Variants in FRMD3 observed in about 807,000 individuals in gnomAD.
FRMD3 encodes FERM domain-containing protein 3.
In FRMD3, 33 loss-of-function variants were observed where a neutral mutation model predicts 70.2. That is an observed-to-expected ratio of 0.47 (90% CI 0.36 to 0.63). FRMD3 has a LOEUF of 0.63. FRMD3 is among the 20% of genes least tolerant of loss of function. The pLI, the probability that FRMD3 is intolerant of heterozygous loss-of-function variation, is 0.00. For synonymous variants in FRMD3, 279 were observed against 255.9 expected (o/e 1.09, Z -0.86); for missense variants, 632 against 711.4 (o/e 0.89, Z 1.27).
At chr9:83,291,567 G>GTCTCTC (rs113797673) in intron 12 of FRMD3, among the ~76,000 whole-genome samples, 3 of 149,656 alleles carry the variant, frequency 2.0e-5, no homozygotes, top group East Asian at 2.0e-4. Context: ...AATGCACACA[G>GTCTCTC]TCTCTCTCTC....
intron 1 of FRMD3, among the ~76,000 whole-genome samples, chr9:83,485,989 C>T (rs1341785953): frequency 6.6e-6 from 1 of 151,818 alleles, no homozygotes; most frequent in African/African-American, 2.4e-5. Context: ...ACATCATATA[C>T]ATTATGTATC....
chr9:83,536,325 T>G (rs1564120834), intron 1 of FRMD3, among the ~76,000 whole-genome samples: 1 of 152,170 alleles, frequency 6.6e-6, no homozygotes, highest in East Asian at 1.9e-4. Context: ...ATATTTATTA[T>G]TCTAAGGAAG....
rs74964770 is a variant in FRMD3, at chr9:83,425,330, G to A, written c.148-35622C>T. 6.8e-3 allele frequency among the ~76,000 whole-genome samples: 1,033 copies of A among 152,264 alleles called. 14 individuals carry two copies. The highest frequency in any genetic ancestry group is 0.023 in the African/African-American group (957 of 41,552). ...TAGCAGCCAGAGTACAACCTGGGAC[G>A]TGACAACTGGTATGAGCATGTTCTC... On this transcript the variant is annotated intron_variant, in intron 1 of 13. Coordinates refer to ENST00000304195, the MANE Select transcript of FRMD3 (RefSeq NM_174938.6).
chr9:83,349,849 C>G (rs1824087616), intron 3 of FRMD3, 92 bp from the exon 4 acceptor site: 1 of 950,518 alleles, frequency 1.1e-6, no homozygotes, highest in Non-Finnish European at 1.7e-6. Context: ...GCCTGACAGA[C>G]TAGCCTGGGG....
chr9:83,310,124 A>G (rs1431866788), intron 9 of FRMD3, among the ~76,000 whole-genome samples: 1 of 152,084 alleles, frequency 6.6e-6, no homozygotes, highest in Non-Finnish European at 1.5e-5. Flanking sequence ...TGTTTATAAC[A>G]CTCTAATGAG....
rs1829916717 is a variant in FRMD3, at chr9:83,537,254, C to A, written c.147+831G>T. On this transcript the variant is annotated intron_variant, in intron 1 of 13. Transcript: ENST00000304195. This position sits in a 1 kb window ranked among gnomAD's most constrained non-coding sequence, Gnocchi z 4.1. ...AGGCACTTACTACCCGAGGACAGGGCTGCCAGCAAAGCTGCCTTCTCCCAA... is the reference window on the plus strand; with the variant it reads ...AGGCACTTACTACCCGAGGACAGGGATGCCAGCAAAGCTGCCTTCTCCCAA... Among the ~76,000 whole-genome samples the A allele has an allele frequency of 6.6e-6, 1 of 152,210 alleles. No individual in the cohort carries two copies. Among genetic ancestry groups the A allele is most frequent in the Admixed American group, 6.5e-5 (1 of 15,288 alleles).
intron 12 of FRMD3, among the ~76,000 whole-genome samples, chr9:83,295,073 T>G (rs1394189170): frequency 6.6e-6 from 1 of 152,198 alleles, no homozygotes; most frequent in Non-Finnish European, 1.5e-5. Context: ...CTCATGCATG[T>G]ACTCCCAGCA....
intron 1 of FRMD3, among the ~76,000 whole-genome samples, chr9:83,515,448 C>G (rs1829434533): frequency 6.6e-6 from 1 of 152,106 alleles, no homozygotes; most frequent in Admixed American, 6.6e-5. Flanking sequence ...ATGAACAAAG[C>G]CTCCAAGAAA....
At chr9:83,502,515 A>T (rs976062546) in intron 1 of FRMD3, among the ~76,000 whole-genome samples, 2 of 152,356 alleles carry the variant, frequency 1.3e-5, no homozygotes, top group Admixed American at 6.5e-5. Flanking sequence ...AAGGAAACTT[A>T]CATGGGCCCA....
chr9:83,524,065 G>T (rs1363141597), intron 1 of FRMD3, among the ~76,000 whole-genome samples: 1 of 152,188 alleles, frequency 6.6e-6, no homozygotes, highest in South Asian at 2.1e-4. Context: ...CATGGCAGTG[G>T]CTAGTGCCTA....
chr9:83,270,434 C>T (rs1419195207), intron 13 of FRMD3, among the ~76,000 whole-genome samples: 1 of 152,186 alleles, frequency 6.6e-6, no homozygotes, highest in African/African-American at 2.4e-5. Context: ...TTGTGAGTGG[C>T]TAGAAGTTAC....
Position 83,247,719 on chromosome 9 carries a change from C to A in FRMD3, c.*199G>T. ...GTTATTTAAAGACCATCTTCCTAAC[C>A]TGTAACTAAAATAACTGTATTTGAT... On this transcript the variant is annotated 3_prime_UTR_variant, in exon 14 of 14. Coordinates refer to ENST00000304195, the MANE Select transcript of FRMD3 (RefSeq NM_174938.6). 1.4e-6 allele frequency: 2 copies of A among 1,408,998 alleles called. No homozygotes were observed. Among genetic ancestry groups the A allele is most frequent in the Non-Finnish European group, 1.9e-6 (2 of 1,077,362 alleles). The allele number at this position is 1,408,998 out of a possible 1,614,324, so 87.3% of individuals were successfully genotyped here. A position where few individuals can be genotyped will look rare whatever the true frequency, so the allele number is the denominator to read the frequency against.
chr9:83,304,276 GT>G (rs1229828090), intron 10 of FRMD3, among the ~76,000 whole-genome samples: 5 of 152,132 alleles, frequency 3.3e-5, no homozygotes, highest in African/African-American at 1.2e-4. Context: ...CATAGCACTG[GT>G]ATTAATAGTT....
At chr9:83,481,622 T>C (rs990485314) in intron 1 of FRMD3, among the ~76,000 whole-genome samples, 10 of 152,210 alleles carry the variant, frequency 6.6e-5, no homozygotes, top group Middle Eastern at 3.2e-3. Context: ...CCATAGTTTA[T>C]TTAAACCCAA....
At chr9:83,478,294 G>A (rs1232893557) in intron 1 of FRMD3, among the ~76,000 whole-genome samples, 1 of 152,166 alleles carries the variant, frequency 6.6e-6, no homozygotes, top group Non-Finnish European at 1.5e-5. Context: ...GGCTTCAGGG[G>A]TTTGTGATGC....
At chr9:83,457,010 A>G (rs886371214) in intron 1 of FRMD3, among the ~76,000 whole-genome samples, 1 of 152,108 alleles carries the variant, frequency 6.6e-6, no homozygotes, top group Non-Finnish European at 1.5e-5. Context: ...AACGCAAACT[A>G]AGAGATATAA....
chr9:83,509,003 T>TC (rs1020913408), intron 1 of FRMD3, among the ~76,000 whole-genome samples: 2 of 143,294 alleles, frequency 1.4e-5, no homozygotes, highest in Admixed American at 6.9e-5. Context: ...TGCCTTTCCT[T>TC]CCCCCCCTCC....
intron 1 of FRMD3, among the ~76,000 whole-genome samples, chr9:83,471,762 G>C (rs1433386079): frequency 6.6e-6 from 1 of 152,190 alleles, no homozygotes; most frequent in Non-Finnish European, 1.5e-5. Flanking sequence ...TTGTTTAAGT[G>C]GTGAAGTATG....
At chr9:83,484,731 T>A (rs1828647422) in intron 1 of FRMD3, among the ~76,000 whole-genome samples, 1 of 152,204 alleles carries the variant, frequency 6.6e-6, no homozygotes, top group South Asian at 2.1e-4. Flanking sequence ...GTTGCCAATT[T>A]TAAGGAGGAA....
Sources: gnomAD v4.1 joint callset for allele counts (sites outside exome capture counted in the v4.1 genomes callset) on GRCh38, gnomAD v4.1.1 for gene constraint, Gnocchi (gnomAD v3.1) non-coding constraint, MANE v1.5 for transcripts, NCBI Gene and HGNC (gene_info 2026-07-23, HGNC 2026-07-21) for gene names.